CAMK1D: variants seen among roughly 807,000 people sequenced by gnomAD.
The protein encoded by CAMK1D is calcium/calmodulin-dependent protein kinase type 1D.
Under a neutral mutation model 47.7 loss-of-function variants are expected in CAMK1D, and 9 were observed. The ratio of observed to expected loss-of-function variants is 0.19; its 90% CI spans 0.11 to 0.33. The LOEUF is 0.33. Ranked by LOEUF, CAMK1D falls within the 10% of genes least tolerant of loss-of-function variation. The probability of loss-of-function intolerance (pLI) is 1.00; values close to 1 mark genes in which losing one functional copy is unlikely to be tolerated. For synonymous variants in CAMK1D, 184 were observed against 184.9 expected, an observed-to-expected ratio of 0.99 and a Z score of 0.04; for missense variants, 291 against 488.7, an observed-to-expected ratio of 0.60 and a Z score of 3.81.
intron 2 of CAMK1D, among the ~76,000 whole-genome samples, chr10:12,665,078 A>G (rs1840386536): frequency 6.6e-6 from 1 of 152,226 alleles, no homozygotes; most frequent in African/African-American, 2.4e-5. Context: ...CCTTGGTGGC[A>G]TAGTTTATTT....
chr10:12,386,798 C>T (rs1838509478), intron 1 of CAMK1D, among the ~76,000 whole-genome samples: 1 of 152,050 alleles, frequency 6.6e-6, no homozygotes, highest in South Asian at 2.1e-4. Flanking sequence ...CCTAGATTTT[C>T]TATAATAATC....
chr10:12,669,793 C>T (rs894372446), intron 3 of CAMK1D, among the ~76,000 whole-genome samples: 2 of 151,520 alleles, frequency 1.3e-5, no homozygotes, highest in Admixed American at 6.6e-5. Flanking sequence ...TAGTATGTAC[C>T]TTTTGTGTCT....
chr10:12,512,918 CTT>C (rs1193070573), intron 1 of CAMK1D, among the ~76,000 whole-genome samples: 2 of 152,192 alleles, frequency 1.3e-5, no homozygotes, highest in African/African-American at 4.8e-5. Context: ...AGCGAGCATA[CTT>C]TGTTTGACTT....
At chr10:12,517,032 T>C (rs1424236964) in intron 1 of CAMK1D, among the ~76,000 whole-genome samples, 1 of 152,246 alleles carries the variant, frequency 6.6e-6, no homozygotes, top group Admixed American at 6.5e-5. Flanking sequence ...TGTCCATTTA[T>C]TTTGGTTTTC....
chr10:12,523,490 C>A (rs1443715042), intron 1 of CAMK1D, among the ~76,000 whole-genome samples: 1 of 152,158 alleles, frequency 6.6e-6, no homozygotes, highest in Non-Finnish European at 1.5e-5. Flanking sequence ...CGTCTGCAAT[C>A]CCGGCACCTC....
At chr10:12,786,983 C>T (rs773736273) in intron 5 of CAMK1D, among the ~76,000 whole-genome samples, 3 of 152,106 alleles carry the variant, frequency 2.0e-5, no homozygotes, top group East Asian at 1.9e-4. Flanking sequence ...AGTAGTCAGG[C>T]GTGGTGGCGC....
intron 1 of CAMK1D, among the ~76,000 whole-genome samples, chr10:12,481,379 C>T (rs909078157): frequency 8.5e-5 from 13 of 152,162 alleles, no homozygotes; most frequent in African/African-American, 2.9e-4. Flanking sequence ...ATTGCATTCC[C>T]AGCCAATCAG....
At chr10:12,462,054 T>C (rs1462917418) in intron 1 of CAMK1D, among the ~76,000 whole-genome samples, 1 of 152,024 alleles carries the variant, frequency 6.6e-6, no homozygotes, top group Non-Finnish European at 1.5e-5. Flanking sequence ...TGCGTGCTCC[T>C]AAGAGTTTGT....
At chr10:12,702,157 T>C (rs919790527) in intron 3 of CAMK1D, among the ~76,000 whole-genome samples, 1 of 151,874 alleles carries the variant, frequency 6.6e-6, no homozygotes, top group African/African-American at 2.4e-5. Flanking sequence ...TGTTCCATCA[T>C]AGGGGAGCAG....
intron 1 of CAMK1D, among the ~76,000 whole-genome samples, chr10:12,408,840 C>G (rs1204537528): frequency 1.7e-5 from 2 of 115,810 alleles, no homozygotes; most frequent in Non-Finnish European, 3.7e-5. Context: ...TCATTTCTTT[C>G]TTTCTTTCTT....
chr10:12,600,326 C>T (rs927109573), intron 2 of CAMK1D, among the ~76,000 whole-genome samples: 2 of 152,168 alleles, frequency 1.3e-5, no homozygotes. Context: ...ACTTCAGAAA[C>T]AATGGAATGA....
At chr10:12,399,145 A>G (rs1445262836) in intron 1 of CAMK1D, among the ~76,000 whole-genome samples, 2 of 152,180 alleles carry the variant, frequency 1.3e-5, no homozygotes, top group East Asian at 3.8e-4. Context: ...CTCTCAAACC[A>G]TGGTCTCCTT....
intron 1 of CAMK1D, among the ~76,000 whole-genome samples, chr10:12,414,073 C>G (rs1333205220): frequency 6.6e-6 from 1 of 152,146 alleles, no homozygotes; most frequent in Non-Finnish European, 1.5e-5. Flanking sequence ...TCATCCAGTT[C>G]CCTGATAGTT....
At chr10:12,625,930 T>A (rs1325289648) in intron 2 of CAMK1D, among the ~76,000 whole-genome samples, 1 of 152,230 alleles carries the variant, frequency 6.6e-6, no homozygotes, top group East Asian at 1.9e-4. Flanking sequence ...ACAGCCAGTT[T>A]AATCCCTTGG....
chr10:12,736,422 C>T (rs936969545), intron 3 of CAMK1D, among the ~76,000 whole-genome samples: 1 of 152,130 alleles, frequency 6.6e-6, no homozygotes, highest in Admixed American at 6.6e-5. Context: ...TTCTATTCGG[C>T]GAGTTCTAGT....
At chr10:12,672,896 CTTTTTTTTTTT>C (rs750447013) in intron 3 of CAMK1D, among the ~76,000 whole-genome samples, 1 of 76,516 alleles carries the variant, frequency 1.3e-5, no homozygotes, top group African/African-American at 6.3e-5. Flanking sequence ...ATAGGCTTGC[CTTTTTTTTTTT>C]TTTTTTTTAG....
At chr10:12,789,468 T>C (rs1022177583) in intron 5 of CAMK1D, among the ~76,000 whole-genome samples, 1 of 152,224 alleles carries the variant, frequency 6.6e-6, no homozygotes, top group African/African-American at 2.4e-5. Flanking sequence ...GACAAGTTAC[T>C]TAACTTCTCT....
At chr10:12,534,877 G>C (rs960378829) in intron 1 of CAMK1D, among the ~76,000 whole-genome samples, 3 of 142,154 alleles carry the variant, frequency 2.1e-5, no homozygotes, top group African/African-American at 7.5e-5. Flanking sequence ...ATGTGTGAGA[G>C]GTGTTTGTGG....
intron 1 of CAMK1D, among the ~76,000 whole-genome samples, chr10:12,512,325 C>T (rs1307319464): frequency 6.6e-6 from 1 of 152,214 alleles, no homozygotes. Context: ...GTAGAAAACA[C>T]TACCTTACGT....
Sources: allele counts gnomAD v4.1 joint callset (sites outside exome capture counted in the v4.1 genomes callset), GRCh38; gene constraint gnomAD v4.1.1; transcripts MANE v1.5; gene names NCBI Gene and HGNC (gene_info 2026-07-23, HGNC 2026-07-21).